Variants in KCTD8 observed in about 807,000 individuals in gnomAD.
The protein encoded by KCTD8 is BTB/POZ domain-containing protein KCTD8.
KCTD8 carries 27 observed loss-of-function variants against 31.5 expected under a neutral mutation model. That is an observed-to-expected ratio of 0.86 (90% confidence interval 0.63 to 1.18). The LOEUF (loss-of-function observed/expected upper bound fraction) is 1.18, where lower values mean the gene tolerates loss of function less well. KCTD8 is among the 50% of genes most tolerant of loss of function. KCTD8 has a pLI of 0.00. For synonymous variants in KCTD8, 290 were observed against 280.0 expected (o/e 1.04, Z -0.36); for missense variants, 658 against 647.7 (o/e 1.02, Z -0.17).
chr4:44,303,431 T>A (rs1401167265), intron 1 of KCTD8, among the ~76,000 whole-genome samples: 1 of 151,974 alleles, frequency 6.6e-6, no homozygotes, highest in Non-Finnish European at 1.5e-5. Context: ...TTCAACTTCT[T>A]CCTGGTTTAG....
At chr4:44,393,313 A>G (rs1303423648) in intron 1 of KCTD8, among the ~76,000 whole-genome samples, 1 of 152,066 alleles carries the variant, frequency 6.6e-6, no homozygotes, top group Admixed American at 6.6e-5. Flanking sequence ...GTTATAAAGA[A>G]AGTTAAAAGA....
intron 1 of KCTD8, among the ~76,000 whole-genome samples, chr4:44,253,185 A>C (rs1486800983): frequency 6.6e-6 from 1 of 151,638 alleles, no homozygotes; most frequent in Non-Finnish European, 1.5e-5. Context: ...TCTTTCCATA[A>C]AATCAGTTTT....
intron 1 of KCTD8, among the ~76,000 whole-genome samples, chr4:44,179,672 T>G (rs1386510270): frequency 6.6e-6 from 1 of 151,796 alleles, no homozygotes; most frequent in Non-Finnish European, 1.5e-5. Flanking sequence ...GTGTACATCT[T>G]TGAAAGAATA....
chr4:44,322,158 T>A (rs559725449), intron 1 of KCTD8, among the ~76,000 whole-genome samples: 2 of 152,000 alleles, frequency 1.3e-5, no homozygotes, highest in Non-Finnish European at 2.9e-5. Flanking sequence ...CTACTTTTAG[T>A]TTTTCAGAAA....
chr4:44,214,818 A>G (rs929995745), intron 1 of KCTD8, among the ~76,000 whole-genome samples: 11 of 152,202 alleles, frequency 7.2e-5, no homozygotes, highest in African/African-American at 1.7e-4. Context: ...GAACTAACCA[A>G]TTAGCCACAA....
At chr4:44,316,819 A>AAAAAAAAAAAAAT (rs1718129879) in intron 1 of KCTD8, among the ~76,000 whole-genome samples, 2 of 144,412 alleles carry the variant, frequency 1.4e-5, no homozygotes, top group Non-Finnish European at 3.0e-5. Flanking sequence ...AAAAAAAAAA[A>AAAAAAAAAAAAAT]AAAAGAAGAT....
At chr4:44,356,427 G>A (rs1015392013) in intron 1 of KCTD8, among the ~76,000 whole-genome samples, 3 of 152,158 alleles carry the variant, frequency 2.0e-5, no homozygotes, top group Admixed American at 6.5e-5. Context: ...AGATCTGTTA[G>A]GTTATTCTTA....
chr4:44,421,025 G>A (rs1721195923), intron 1 of KCTD8, among the ~76,000 whole-genome samples: 1 of 151,834 alleles, frequency 6.6e-6, no homozygotes. Flanking sequence ...GGGACTTTCA[G>A]AATCTTTCCC....
At chr4:44,356,963 A>C (rs948716431) in intron 1 of KCTD8, among the ~76,000 whole-genome samples, 5 of 152,168 alleles carry the variant, frequency 3.3e-5, no homozygotes, top group Non-Finnish European at 7.4e-5. Context: ...AATATTTTGA[A>C]AACTGTAACA....
chr4:44,273,900 T>A (rs1716679886), intron 1 of KCTD8, among the ~76,000 whole-genome samples: 1 of 151,890 alleles, frequency 6.6e-6, no homozygotes, highest in South Asian at 2.1e-4. Context: ...AAATCCACAC[T>A]CAAGTCTGAG....
chr4:44,332,114 A>C (rs1243275448), intron 1 of KCTD8, among the ~76,000 whole-genome samples: 1 of 151,892 alleles, frequency 6.6e-6, no homozygotes. Context: ...GCTCTAAGTA[A>C]TCAGAGGTGT....
At chr4:44,175,567 T>G (rs945490269) in intron 1 of KCTD8, among the ~76,000 whole-genome samples, 2 of 152,216 alleles carry the variant, frequency 1.3e-5, no homozygotes, top group African/African-American at 4.8e-5. Context: ...TAATTACTAG[T>G]TCCTGGAATA....
chr4:44,338,656 A>T (rs888979296), intron 1 of KCTD8, among the ~76,000 whole-genome samples: 2 of 152,212 alleles, frequency 1.3e-5, no homozygotes, highest in Admixed American at 1.3e-4. Context: ...TTAATGCAAC[A>T]CATAAAAACT....
At chr4:44,318,713 A>G (rs1473855095) in intron 1 of KCTD8, among the ~76,000 whole-genome samples, 1 of 152,336 alleles carries the variant, frequency 6.6e-6, no homozygotes, top group East Asian at 1.9e-4. Flanking sequence ...GCAACATTTT[A>G]AAGTTTGACT....
intron 1 of KCTD8, among the ~76,000 whole-genome samples, chr4:44,234,108 A>T (rs1715202397): frequency 1.2e-5 from 1 of 86,702 alleles, no homozygotes; most frequent in Non-Finnish European, 2.7e-5. Context: ...TACTTATTTA[A>T]TTTTCAAAAC....
intron 1 of KCTD8, among the ~76,000 whole-genome samples, chr4:44,224,523 G>A (rs1714896703): frequency 6.8e-6 from 1 of 147,652 alleles, no homozygotes; most frequent in Admixed American, 6.8e-5. Context: ...AAATTTCAAT[G>A]ACTTAATAAA....
At position 44,225,154 on chromosome 4, in the gene KCTD8, G is replaced by A. The variant is rs559778062; in HGVS notation, c.962-49904C>T. On this transcript the variant is annotated intron_variant, in intron 1 of 1. Transcript: ENST00000360029. ...CCATACTACCTTCCTAATCAGATAA[G>A]CTCTATCCCACATTCAACCTTTGTA... 4.6e-5 allele frequency among the ~76,000 whole-genome samples: 7 copies of A among 152,222 alleles called. No homozygotes were observed. The South Asian group carries it at 1.2e-3, about 27-fold the overall frequency.
At chr4:44,252,576 G>A (rs980029384) in intron 1 of KCTD8, among the ~76,000 whole-genome samples, 5 of 151,494 alleles carry the variant, frequency 3.3e-5, no homozygotes, top group South Asian at 4.1e-4. Context: ...AAATGGTATC[G>A]CATCAAAAGC....
rs201466562 is a variant in KCTD8 at position 44,268,987 on chromosome 4, TG to T, written c.962-93738del. Among the ~76,000 whole-genome samples the T allele has an allele frequency of 9.4e-3, 1,429 of 152,296 alleles. 26 individuals carry two copies. The highest frequency in any genetic ancestry group is 0.033 in the African/African-American group (1,356 of 41,550). On this transcript the variant is annotated intron_variant, in intron 1 of 1. Transcript: ENST00000360029. ...TGCCCAAGGTAATTTATAGATTCAA[TG>T]CCATCCCCATCAAGCTACCAATGAC...
Sources: gnomAD v4.1 joint callset for allele counts (sites outside exome capture counted in the v4.1 genomes callset) on GRCh38, gnomAD v4.1.1 for gene constraint, MANE v1.5 for transcripts, NCBI Gene and HGNC (gene_info 2026-07-23, HGNC 2026-07-21) for gene names.